PPP1R1C: variants seen among roughly 807,000 people sequenced by gnomAD.
PPP1R1C encodes protein phosphatase 1 regulatory subunit 1C.
In PPP1R1C, 15 loss-of-function variants were observed where a neutral mutation model predicts 17.4. The observed-to-expected ratio is 0.86, with a 90% CI of 0.58 to 1.33. The LOEUF (loss-of-function observed/expected upper bound fraction) is 1.33, where lower values mean the gene tolerates loss of function less well. Among genes scored for constraint, PPP1R1C ranks in the 40% most tolerant of loss-of-function variants. The probability of loss-of-function intolerance (pLI) is 0.00; values close to 1 mark genes in which losing one functional copy is unlikely to be tolerated. For synonymous variants in PPP1R1C, 35 were observed against 43.1 expected, an observed-to-expected ratio of 0.81 and a Z score of 0.73; for missense variants, 143 against 130.0, an observed-to-expected ratio of 1.10 and a Z score of -0.48.
At chr2:181,978,181 C>T (rs1392694503) in intron 2 of PPP1R1C, among the ~76,000 whole-genome samples, 1 of 152,154 alleles carries the variant, frequency 6.6e-6, no homozygotes, top group East Asian at 1.9e-4. Flanking sequence ...AAAAGTATGG[C>T]AAAACCACTC....
intron 1 of PPP1R1C, among the ~76,000 whole-genome samples, chr2:181,971,340 C>T (rs899146149): frequency 5.3e-5 from 8 of 152,076 alleles, no homozygotes; most frequent in African/African-American, 7.2e-5. Flanking sequence ...TCCTTTTCAT[C>T]GAGGGTGTGT....
intron 2 of PPP1R1C, among the ~76,000 whole-genome samples, chr2:182,034,104 G>A (rs980039836): frequency 1.4e-4 from 22 of 152,106 alleles, no homozygotes; most frequent in Non-Finnish European, 3.1e-4. Context: ...TTATTTATTA[G>A]TTTATTCAAT....
downstream of PPP1R1C, among the ~76,000 whole-genome samples, chr2:182,121,543 A>G (rs1224690188): frequency 1.3e-5 from 2 of 152,030 alleles, no homozygotes; most frequent in African/African-American, 4.8e-5. Context: ...GCTGGAGTAC[A>G]GTGGCACCAT....
At chr2:182,029,402 G>A (rs1686741981) in intron 2 of PPP1R1C, among the ~76,000 whole-genome samples, 1 of 152,008 alleles carries the variant, frequency 6.6e-6, no homozygotes, top group South Asian at 2.1e-4. Flanking sequence ...TTTTAGGGCA[G>A]GCCTGGTGGT....
chr2:182,033,885 C>T (rs930699002), intron 2 of PPP1R1C, among the ~76,000 whole-genome samples: 12 of 152,156 alleles, frequency 7.9e-5, no homozygotes, highest in African/African-American at 1.9e-4. Context: ...GGTACCAGGA[C>T]GCAGAAAAGT....
At chr2:182,076,169 A>G (rs989429261) in intron 4 of PPP1R1C, among the ~76,000 whole-genome samples, 1 of 129,874 alleles carries the variant, frequency 7.7e-6, no homozygotes, top group African/African-American at 2.8e-5. Context: ...TCTATAAATC[A>G]AGGATTTTGA....
chr2:181,955,451 A>G (rs1269597074), intron 1 of PPP1R1C, among the ~76,000 whole-genome samples: 2 of 152,040 alleles, frequency 1.3e-5, no homozygotes, highest in Non-Finnish European at 2.9e-5. Flanking sequence ...TTCCCTTTTG[A>G]TTTTTGTCAA....
At chr2:181,982,136 C>T (rs771669795), upstream of PPP1R1C, among the ~76,000 whole-genome samples, 9 of 152,178 alleles carry the variant, frequency 5.9e-5, no homozygotes, top group Non-Finnish European at 1.3e-4. Flanking sequence ...CACCCCTCTC[C>T]TCTCTTCCCC....
At chr2:182,009,366 T>C (rs1209277872) in intron 2 of PPP1R1C, among the ~76,000 whole-genome samples, 2 of 152,154 alleles carry the variant, frequency 1.3e-5, no homozygotes, top group African/African-American at 4.8e-5. Context: ...TTGATTTGCA[T>C]ACCTCTGATG....
chr2:181,970,160 A>T (rs1303835716), intron 1 of PPP1R1C, among the ~76,000 whole-genome samples: 2 of 149,176 alleles, frequency 1.3e-5, no homozygotes, highest in African/African-American at 5.0e-5. Context: ...CTTTGAGGTC[A>T]TGTTTTCCTG....
At position 181,972,852 on chromosome 2, in the gene PPP1R1C, C is replaced by T. The variant is rs114508157; in HGVS notation, n.112-2367C>T. Among the ~76,000 whole-genome samples the T allele has an allele frequency of 9.7e-3, 1,472 of 152,168 alleles. 16 individuals carry two copies. The highest frequency in any genetic ancestry group is 0.033 in the African/African-American group (1,366 of 41,494). On this transcript the variant is annotated intron_variant and non_coding_transcript_variant, in intron 1 of 5. Coordinates refer to the PPP1R1C transcript ENST00000464264. ...CCTACTCCTATCATTCATTTTGTTC[C>T]ATGACTCATTATTTGTACTGGAAAA...
At chr2:182,084,169 C>G (rs1559086284) in intron 4 of PPP1R1C, among the ~76,000 whole-genome samples, 1 of 151,296 alleles carries the variant, frequency 6.6e-6, no homozygotes, top group African/African-American at 2.4e-5. Context: ...TGTTACTAGT[C>G]CTTTGTTGGA....
intron 2 of PPP1R1C, among the ~76,000 whole-genome samples, chr2:182,024,649 G>A (rs1363309244): frequency 6.6e-6 from 1 of 151,866 alleles, no homozygotes; most frequent in Non-Finnish European, 1.5e-5. Flanking sequence ...CTGAGCTCAG[G>A]AGTTCGAGAC....
intron 4 of PPP1R1C, among the ~76,000 whole-genome samples, chr2:182,085,126 T>A (rs1341577883): frequency 1.3e-5 from 2 of 152,044 alleles, no homozygotes; most frequent in Non-Finnish European, 1.5e-5. Context: ...TACATTGATT[T>A]TGCTGAATTC....
intron 1 of PPP1R1C, among the ~76,000 whole-genome samples, chr2:181,960,913 G>T (rs556223618): frequency 6.6e-6 from 1 of 152,032 alleles, no homozygotes; most frequent in Non-Finnish European, 1.5e-5. Context: ...ATTGAAATGC[G>T]TTGAAATGAT....
At chr2:182,020,907 C>G (rs1686402683) in intron 2 of PPP1R1C, among the ~76,000 whole-genome samples, 1 of 152,170 alleles carries the variant, frequency 6.6e-6, no homozygotes, top group Non-Finnish European at 1.5e-5. Flanking sequence ...AATCTCCTCT[C>G]TAGAAGGTCA....
intron 4 of PPP1R1C, among the ~76,000 whole-genome samples, chr2:182,072,443 T>G (rs1224181407): frequency 6.6e-6 from 1 of 152,248 alleles, no homozygotes; most frequent in Non-Finnish European, 1.5e-5. Flanking sequence ...AATGTGCTTT[T>G]GTATAATTAT....
At position 182,088,851 on chromosome 2, in the gene PPP1R1C, C is replaced by T. The variant is rs568477058; in HGVS notation, c.241+25060C>T. Reference sequence around the variant, plus strand: ...CAAGCACACTATAAATATGCTTAGCCTAAATGAATCACAATCATTCCCTGG... The same window carrying T: ...CAAGCACACTATAAATATGCTTAGCTTAAATGAATCACAATCATTCCCTGG... On this transcript the variant is annotated intron_variant, in intron 4 of 4. Transcript: ENST00000682840. Among the ~76,000 whole-genome samples, 5 of 152,236 alleles carry T rather than the reference C, an allele frequency of 3.3e-5. No individual in the cohort carries two copies. In the East Asian group the frequency reaches 9.6e-4, roughly 29 times the overall value.
At chr2:181,965,539 A>C (rs962458896) in intron 1 of PPP1R1C, among the ~76,000 whole-genome samples, 17 of 152,198 alleles carry the variant, frequency 1.1e-4, no homozygotes, top group Non-Finnish European at 2.1e-4. Flanking sequence ...TCCTGGCACC[A>C]TTTATTGAAG....
Sources: gnomAD v4.1 joint callset for allele counts (sites outside exome capture counted in the v4.1 genomes callset) on GRCh38, gnomAD v4.1.1 for gene constraint, MANE v1.5 for transcripts, NCBI Gene and HGNC (gene_info 2026-07-23, HGNC 2026-07-21) for gene names.